Variants in SLC1A5 observed in about 807,000 individuals in gnomAD.
SLC1A5 encodes the protein neutral amino acid transporter B(0).
In SLC1A5, 25 loss-of-function variants were observed where a neutral mutation model predicts 34.9. That is an observed-to-expected ratio of 0.72 (90% confidence interval 0.52 to 1.00). The LOEUF is 1.00. Ranked by LOEUF, SLC1A5 falls within the 50% of genes least tolerant of loss-of-function variation. SLC1A5 has a pLI of 0.00. For missense variants in SLC1A5, 637 were observed against 740.0 expected, an observed-to-expected ratio of 0.86 and a Z score of 1.61; for synonymous variants, 351 against 341.2, an observed-to-expected ratio of 1.03 and a Z score of -0.32.
At chr19:46,784,680 A>G (rs1459108458) in intron 1 of SLC1A5, 121 bp from the exon 2 acceptor site, 3 of 1,601,100 alleles carry the variant, frequency 1.9e-6, no homozygotes, top group Non-Finnish European at 1.7e-6. Context: ...CCTGCACGCA[A>G]ATACAGCCCC....
Position 46,787,526 on chromosome 19 carries a change from A to T in SLC1A5, c.440T>A (p.Val147Glu), listed in dbSNP as rs2055195449. The change falls in exon 1 of 8, where the codon GTG (valine) becomes GAG (glutamate). Residue 147 changes from valine (V) to glutamate (E), a missense_variant. Val to Glu is a moderately radical substitution (Grantham distance 121). Coordinates refer to ENST00000542575, the MANE Select transcript of SLC1A5 (RefSeq NM_005628.3). The surrounding 1 kb of genome is among the most constrained non-coding windows in gnomAD (Gnocchi z 5.2). ...VTTLLASALG[V>E]GLALALQPGA... ...CGGCTGCAGAGCCAGCGCCAAGCCC[A>T]CTCCGAGCGCCGACGCCAGCAGCGT... The T allele has an allele frequency of 6.3e-7, 1 of 1,575,836 alleles. No individual in the cohort carries two copies. Among genetic ancestry groups the T allele is most frequent in the Admixed American group, 1.9e-5 (1 of 53,524 alleles).
chr19:46,782,345 A>ACCCCCCCCCCCCCCCCCCCCCCCCCCCCC, intron 4 of SLC1A5, 38 bp downstream of exon 4: 6 of 292,426 alleles, frequency 2.1e-5, no homozygotes, highest in East Asian at 7.3e-5. Context: ...CCGACCCTCC[A>ACCCCCCCCCCCCCCCCCCCCCCCCCCCCC]ACCCCACCCA....
At chr19:46,780,308 C>T (rs578202019) in intron 4 of SLC1A5, among the ~76,000 whole-genome samples, 1 of 151,982 alleles carries the variant, frequency 6.6e-6, no homozygotes, top group Admixed American at 6.6e-5. Flanking sequence ...TGCACTCCAA[C>T]CTAGGCAACA....
rs891413292 is a variant in SLC1A5, at chr19:46,775,100, C to T, written c.*410G>A. 2.0e-5 allele frequency: 21 copies of T among 1,032,998 alleles called. No homozygotes were observed. The highest frequency in any genetic ancestry group is 2.4e-5 in the Non-Finnish European group (21 of 859,638). The allele number at this position is 1,032,998 out of a possible 1,614,324, so 64.0% of individuals were successfully genotyped here. A position where few individuals can be genotyped will look rare whatever the true frequency, so the allele number is the denominator to read the frequency against. On this transcript the variant is annotated 3_prime_UTR_variant, in exon 8 of 8. Coordinates refer to ENST00000542575, the MANE Select transcript of SLC1A5 (RefSeq NM_005628.3). ...ACACACACACACACACGTGCACACA[C>T]ACATCCCCCCACAACTACAGCCGCC... is the stretch of plus-strand genomic sequence containing the variant.
At chr19:46,776,813 C>T in intron 7 of SLC1A5, 162 bp downstream of exon 7, 1 of 729,694 alleles carries the variant, frequency 1.4e-6, no homozygotes, top group East Asian at 2.6e-5. Flanking sequence ...ACAAAGATGC[C>T]ATTCCTTGCC....
chr19:46,782,351 A>AGCCCCCCC, intron 4 of SLC1A5, 32 bp downstream of exon 4: 1 of 256,186 alleles, frequency 3.9e-6, no homozygotes, highest in Non-Finnish European at 7.0e-6. Context: ...CTCCAACCCC[A>AGCCCCCCC]CCCACCCCCA....
chr19:46,780,700 G>A (rs186911104), intron 4 of SLC1A5, among the ~76,000 whole-genome samples: 42 of 152,038 alleles, frequency 2.8e-4, no homozygotes, highest in African/African-American at 9.6e-4. Context: ...GCCAGGAGCG[G>A]TGGCTCACAC....
At chr19:46,777,491 C>T (rs2055102419) in intron 5 of SLC1A5, 86 bp from the exon 6 acceptor site, 2 of 1,293,246 alleles carry the variant, frequency 1.5e-6, no homozygotes, top group Admixed American at 2.6e-5. Flanking sequence ...TGAGGCCTCG[C>T]CTACCCCACC....
chr19:46,788,013 G>A lies in SLC1A5; in HGVS notation c.-48C>T. 6.8e-7 allele frequency: 1 copy of A among 1,478,076 alleles called. No individual in the cohort carries two copies. Among genetic ancestry groups the A allele is most frequent in the Non-Finnish European group, 9.0e-7 (1 of 1,114,632 alleles). The allele number at this position is 1,478,076 out of a possible 1,614,324, so 91.6% of individuals were successfully genotyped here. A position where few individuals can be genotyped will look rare whatever the true frequency, so the allele number is the denominator to read the frequency against. On this transcript the variant is annotated 5_prime_UTR_variant, in exon 1 of 8. Coordinates refer to ENST00000542575, the MANE Select transcript of SLC1A5 (RefSeq NM_005628.3). ...TAGCGCCTGGAAGCTGGCTGGGAGC[G>A]CTTGGGCTCCTTCCCAGGACCCGAC... is the stretch of plus-strand genomic sequence containing the variant.
Position 46,784,123 on chromosome 19 carries a change from T to C in SLC1A5, c.631A>G (p.Arg211Gly). The stretch of plus-strand genomic sequence containing the variant: ...TTCACCCTGGTTCCGGTGATATTCC[T>C]CTCTTCATAGGTGGTAGAGTACTGT... ...FRSYSTTYEE[R>G]NITGTRVKVP... The change falls in exon 3 of 8, where the codon AGG (arginine) becomes GGG (glycine). Residue 211 changes from arginine (R) to glycine (G), a missense_variant. Transcript: ENST00000542575. The C allele has an allele frequency of 6.2e-7, 1 of 1,613,492 alleles. No individual in the cohort carries two copies. The highest frequency in any genetic ancestry group is 8.5e-7 in the Non-Finnish European group (1 of 1,179,542).
At position 46,775,186 on chromosome 19, in the gene SLC1A5, C is replaced by A; in HGVS notation, c.*324G>T. On this transcript the variant is annotated 3_prime_UTR_variant, in exon 8 of 8. Transcript: ENST00000542575. Reference sequence around the variant, plus strand: ...TGGGGGCTAGAATTCCCCATGGTGACCTGTGACCTGCTCCCTGAGACAGGG... The same window carrying A: ...TGGGGGCTAGAATTCCCCATGGTGAACTGTGACCTGCTCCCTGAGACAGGG... The A allele has an allele frequency of 9.2e-7, 1 of 1,084,908 alleles. No individual in the cohort carries two copies. Among genetic ancestry groups the A allele is most frequent in the Non-Finnish European group, 1.1e-6 (1 of 891,066 alleles). The allele number at this position is 1,084,908 out of a possible 1,614,324, so 67.2% of individuals were successfully genotyped here. A position where few individuals can be genotyped will look rare whatever the true frequency, so the allele number is the denominator to read the frequency against.
Position 46,782,450 on chromosome 19 carries a change from C to G in SLC1A5, c.757G>C (p.Glu253Gln), listed in dbSNP as rs150805394. The G allele has an allele frequency of 1.2e-6, 2 of 1,613,618 alleles. No homozygotes were observed. Among genetic ancestry groups the G allele is most frequent in the Non-Finnish European group, 1.7e-6 (2 of 1,179,888 alleles). ...VALRKLGPEGELLIRFFNSFN... is the reference protein window; with the variant it reads ...VALRKLGPEGQLLIRFFNSFN... ...GAGTTGAAGAAGCGGATAAGCAGCTCCCCTTCAGGCCCCAGCTTCCGCAGC... is the reference window on the plus strand; with the variant it reads ...GAGTTGAAGAAGCGGATAAGCAGCTGCCCTTCAGGCCCCAGCTTCCGCAGC... The change falls in exon 4 of 8, where the codon GAG becomes CAG. Residue 253 changes from glutamate to glutamine, a missense_variant. Glu to Gln is a conservative substitution (Grantham distance 29). Coordinates refer to ENST00000542575, the MANE Select transcript of SLC1A5 (RefSeq NM_005628.3).
At chr19:46,782,345 A>ACCCCCCCCCCCCCCCCCCCCCCCCCCCC in intron 4 of SLC1A5, 38 bp downstream of exon 4, 2 of 292,428 alleles carry the variant, frequency 6.8e-6, no homozygotes, top group Non-Finnish European at 1.3e-5. Context: ...CCGACCCTCC[A>ACCCCCCCCCCCCCCCCCCCCCCCCCCCC]ACCCCACCCA....
chr19:46,778,716 G>A lies in SLC1A5; in HGVS notation c.1017C>T (p.Gly339=). The A allele has an allele frequency of 6.4e-7, 1 of 1,561,942 alleles. No homozygotes were observed. Among genetic ancestry groups the A allele is most frequent in the Non-Finnish European group, 8.7e-7 (1 of 1,146,724 alleles). The change falls in exon 5 of 8, where the codon GGC becomes GGT. Residue 339 remains glycine, a synonymous_variant. Transcript: ENST00000542575. Reference sequence around the variant, plus strand: ...AGGCAGTGGCCAGCGGCGTCACGATGCCCCACAGGAAGCGGTAGGGGTTTT... The same window carrying A: ...AGGCAGTGGCCAGCGGCGTCACGATACCCCACAGGAAGCGGTAGGGGTTTT... ...TRKNPYRFLW[G]IVTPLATAFG...
rs781385048 is a variant in SLC1A5 at position 46,778,717 on chromosome 19, C to T, written c.1016G>A (p.Gly339Asp). The change falls in exon 5 of 8, where the codon GGC becomes GAC. Residue 339 changes from glycine to aspartate, a missense_variant. Coordinates refer to ENST00000542575, the MANE Select transcript of SLC1A5 (RefSeq NM_005628.3). The part of the protein sequence containing the change: ...TRKNPYRFLW[G>D]IVTPLATAFG... ...GGCAGTGGCCAGCGGCGTCACGATGCCCCACAGGAAGCGGTAGGGGTTTTT... is the reference window on the plus strand; with the variant it reads ...GGCAGTGGCCAGCGGCGTCACGATGTCCCACAGGAAGCGGTAGGGGTTTTT... 1.9e-6 allele frequency: 3 copies of T among 1,612,182 alleles called. No individual in the cohort carries two copies. Among genetic ancestry groups the T allele is most frequent in the Non-Finnish European group, 2.5e-6 (3 of 1,179,386 alleles).
In SLC1A5 at chr19:46,787,758, G is replaced by A. The variant is rs755676399; in HGVS notation, c.208C>T (p.Leu70=). 2.6e-6 allele frequency: 4 copies of A among 1,551,920 alleles called. No individual in the cohort carries two copies. The Admixed American group carries it at 5.8e-5, about 22-fold the overall frequency. Residue 70 remains leucine (L), a synonymous_variant, in exon 1 of 8, where the codon CTG becomes TTG. Transcript: ENST00000542575. This position sits in a 1 kb window ranked among gnomAD's most constrained non-coding sequence, Gnocchi z 5.2. The part of the protein sequence containing the change: ...VAVVAGVALG[L]GVSGAGGALA... The stretch of plus-strand genomic sequence containing the variant: ...GCACCCCCGGCCCCCGACACCCCCA[G>A]TCCCAGCGCCACGCCGGCCACCACG...
chr19:46,784,596 A>G, intron 1 of SLC1A5, 37 bp from the exon 2 acceptor site: 6 of 1,614,010 alleles, frequency 3.7e-6, no homozygotes, highest in Non-Finnish European at 4.2e-6. Context: ...ATTAGATACC[A>G]TAGTGGGAGG....
At chr19:46,779,711 G>A (rs2055129952) in intron 4 of SLC1A5, among the ~76,000 whole-genome samples, 1 of 151,876 alleles carries the variant, frequency 6.6e-6, no homozygotes, top group East Asian at 1.9e-4. Context: ...ACCAGCTTGG[G>A]CAACACAGCG....
At position 46,782,471 on chromosome 19, in the gene SLC1A5, G is replaced by T. The variant is rs756727391; in HGVS notation, c.736C>A (p.Arg246=). The part of the protein sequence containing the change: ...VFAIVFGVAL[R]KLGPEGELLI... Reference sequence around the variant, plus strand: ...AGCTCCCCTTCAGGCCCCAGCTTCCGCAGCGCCACACCAAAGACGATGGCA... The same window carrying T: ...AGCTCCCCTTCAGGCCCCAGCTTCCTCAGCGCCACACCAAAGACGATGGCA... Residue 246 remains arginine (R), a synonymous_variant, in exon 4 of 8, where the codon CGG becomes AGG. Transcript: ENST00000542575. 1 of 1,613,790 alleles carries T rather than the reference G, an allele frequency of 6.2e-7. No homozygotes were observed. Among genetic ancestry groups the T allele is most frequent in the African/African-American group, 1.3e-5 (1 of 74,930 alleles).
Sources: allele counts gnomAD v4.1 joint callset (sites outside exome capture counted in the v4.1 genomes callset), GRCh38; gene constraint gnomAD v4.1.1; non-coding constraint Gnocchi (gnomAD v3.1); transcripts MANE v1.5; gene names NCBI Gene and HGNC (gene_info 2026-07-23, HGNC 2026-07-21).